Variants in FOXP2 observed in about 807,000 individuals in gnomAD.
FOXP2 encodes the protein forkhead box P2, also known as forkhead box protein P2.
In FOXP2, 12 loss-of-function variants were observed where a neutral mutation model predicts 115.8. That is an observed-to-expected ratio of 0.10 (90% CI 0.07 to 0.17). FOXP2 has a LOEUF of 0.17. Among genes scored for constraint, FOXP2 ranks in the 10% least tolerant of loss-of-function variants. The pLI is 1.00. For synonymous variants in FOXP2, 328 were observed against 297.7 expected, an observed-to-expected ratio of 1.10 and a Z score of -1.05; for missense variants, 629 against 843.5, an observed-to-expected ratio of 0.75 and a Z score of 3.15.
At chr7:114,202,127 A>G (rs1299138068) in intron 1 of FOXP2, among the ~76,000 whole-genome samples, 1 of 152,264 alleles carries the variant, frequency 6.6e-6, no homozygotes, top group East Asian at 1.9e-4. Flanking sequence ...CAGACAATTT[A>G]GCAAGAAGTG....
intron 2 of FOXP2, among the ~76,000 whole-genome samples, chr7:114,351,967 T>C (rs945332009): frequency 6.6e-6 from 1 of 152,202 alleles, no homozygotes; most frequent in Non-Finnish European, 1.5e-5. Flanking sequence ...CGGATGAAAT[T>C]TTCAGAAAAC....
At chr7:114,441,691 A>G (rs538539688) in intron 2 of FOXP2, among the ~76,000 whole-genome samples, 34 of 152,314 alleles carry the variant, frequency 2.2e-4, no homozygotes, top group African/African-American at 7.0e-4. Flanking sequence ...AAAATAAGCC[A>G]AGTATTTGAA....
intron 2 of FOXP2, among the ~76,000 whole-genome samples, chr7:114,529,701 G>A (rs1799045027): frequency 6.6e-6 from 1 of 151,514 alleles, no homozygotes; most frequent in Non-Finnish European, 1.5e-5. Context: ...AAAATAAAAG[G>A]TCAATAGCTA....
chr7:114,165,052 G>T lies in FOXP2; in HGVS notation c.-102+1964G>T, dbSNP rs192835581. 2.8e-4 allele frequency among the ~76,000 whole-genome samples: 42 copies of T among 152,198 alleles called. 2 individuals are homozygous for T. The highest frequency in any genetic ancestry group is 2.2e-3 in the Admixed American group (34 of 15,276). On this transcript the variant is annotated intron_variant, in intron 1 of 17. Transcript: ENST00000634411. ...GCAAGAAGTGATGATAACAAAATTG[G>T]AATAATGGTTAAATTGTAGGTAGGT...
chr7:114,292,941 G>T (rs1167003509), intron 2 of FOXP2, among the ~76,000 whole-genome samples: 8 of 152,118 alleles, frequency 5.3e-5, no homozygotes, highest in Admixed American at 5.2e-4. Context: ...TTATTCATTC[G>T]TATATTGGCT....
intron 3 of FOXP2, among the ~76,000 whole-genome samples, chr7:114,573,659 CAT>C (rs1801431427): frequency 6.6e-6 from 1 of 151,760 alleles, no homozygotes; most frequent in Non-Finnish European, 1.5e-5. Flanking sequence ...CACACACACA[CAT>C]ACAAGCCAAA....
chr7:114,312,111 G>C (rs893541892), intron 2 of FOXP2, among the ~76,000 whole-genome samples: 1 of 152,038 alleles, frequency 6.6e-6, no homozygotes, highest in Non-Finnish European at 1.5e-5. Flanking sequence ...TCAACCAAAT[G>C]AACTTTTATG....
At chr7:114,514,251 A>G (rs536884014) in intron 2 of FOXP2, among the ~76,000 whole-genome samples, 1 of 152,078 alleles carries the variant, frequency 6.6e-6, no homozygotes, top group Admixed American at 6.6e-5. Context: ...CATACTTATC[A>G]TTTTGTTATG....
intron 1 of FOXP2, among the ~76,000 whole-genome samples, chr7:114,417,782 G>A (rs908494697): frequency 6.6e-6 from 1 of 151,778 alleles, no homozygotes; most frequent in Non-Finnish European, 1.5e-5. Flanking sequence ...TTAAATATAC[G>A]AACTATGAAA....
chr7:114,105,143 G>A (rs1341490492), intron 1 of FOXP2, among the ~76,000 whole-genome samples: 1 of 151,974 alleles, frequency 6.6e-6, no homozygotes, highest in Non-Finnish European at 1.5e-5. Context: ...TGATGAGATA[G>A]TCGTGGGTTT....
rs201482409 is a variant in FOXP2, at chr7:114,294,841, AAAATAAATAAATAAAT to A, written c.-11+6742_-11+6757del. On this transcript the variant is annotated intron_variant, in intron 2 of 17. Transcript: ENST00000634411. The stretch of plus-strand genomic sequence containing the variant: ...GGGCAACAGAAGGAGACACTGCCTC[AAAATAAATAAATAAAT>A]AAATAAATACATACATACATACATA... 6.1e-4 allele frequency among the ~76,000 whole-genome samples: 86 copies of A among 139,940 alleles called. No individual in the cohort carries two copies. The Middle Eastern group carries it at 0.018, about 29-fold the overall frequency. The allele number at this position is 139,940 out of a possible 152,430, so 91.8% of individuals were successfully genotyped here.
chr7:114,398,943 C>A (rs953037282), intron 2 of FOXP2, among the ~76,000 whole-genome samples: 1 of 151,744 alleles, frequency 6.6e-6, no homozygotes, highest in Admixed American at 6.6e-5. Context: ...TGCTGGTTAT[C>A]TAATATTTTA....
chr7:114,378,097 A>C (rs1382751414), intron 2 of FOXP2, among the ~76,000 whole-genome samples: 1 of 152,088 alleles, frequency 6.6e-6, no homozygotes, highest in South Asian at 2.1e-4. Flanking sequence ...ATTCATCCTA[A>C]TTGTGAATAT....
upstream of FOXP2, chr7:114,086,465 T>G (rs1799418673): frequency 2.9e-6 from 1 of 341,040 alleles, no homozygotes; most frequent in East Asian, 1.5e-4. Context: ...TGGCTGCGGC[T>G]TCCTCGGCCC....
At chr7:114,242,522 A>G (rs1795181087) in intron 1 of FOXP2, among the ~76,000 whole-genome samples, 1 of 152,102 alleles carries the variant, frequency 6.6e-6, no homozygotes, top group South Asian at 2.1e-4. Context: ...ACTCATAACC[A>G]TTATTAATTG....
rs200902583 is a variant in FOXP2 at position 114,526,488 on chromosome 7, C to A, written c.169-8129C>A. Among the ~76,000 whole-genome samples the A allele has an allele frequency of 5.1e-3, 697 of 137,684 alleles. 16 individuals are homozygous for A. The highest frequency in any genetic ancestry group is 0.014 in the East Asian group (66 of 4,696). The allele number at this position is 137,684 out of a possible 152,430, so 90.3% of individuals were successfully genotyped here. On this transcript the variant is annotated intron_variant, in intron 2 of 16. Transcript: ENST00000350908. ...GAGACTCTGTCTCAAAAAAAAAAAA[C>A]AAAAAAAAAAACACAACAAACAAAA... is the stretch of plus-strand genomic sequence containing the variant.
chr7:114,347,361 T>C (rs1791372369), intron 2 of FOXP2, among the ~76,000 whole-genome samples: 1 of 151,966 alleles, frequency 6.6e-6, no homozygotes, highest in Non-Finnish European at 1.5e-5. Flanking sequence ...CATATACGTA[T>C]ATGTTTTGTA....
At chr7:114,306,761 G>A (rs943471948) in intron 2 of FOXP2, among the ~76,000 whole-genome samples, 1 of 151,758 alleles carries the variant, frequency 6.6e-6, no homozygotes, top group African/African-American at 2.4e-5. Context: ...TTTTTCTGGA[G>A]GTGCAAGGGA....
chr7:114,130,396 G>T (rs1791840094), intron 1 of FOXP2, among the ~76,000 whole-genome samples: 1 of 152,146 alleles, frequency 6.6e-6, no homozygotes, highest in Non-Finnish European at 1.5e-5. Flanking sequence ...TTCCATGAGT[G>T]TGCTATTTTG....
Sources: gnomAD v4.1 joint callset for allele counts (sites outside exome capture counted in the v4.1 genomes callset) on GRCh38, gnomAD v4.1.1 for gene constraint, MANE v1.5 for transcripts, NCBI Gene and HGNC (gene_info 2026-07-23, HGNC 2026-07-21) for gene names.